XRN1: variants seen among roughly 807,000 people sequenced by gnomAD.
XRN1 encodes 5'-3' exoribonuclease 1.
In XRN1, 67 loss-of-function variants were observed where a neutral mutation model predicts 222.3. The ratio of observed to expected loss-of-function variants is 0.30; its 90% CI spans 0.25 to 0.37. The LOEUF is 0.37. Among genes scored for constraint, XRN1 ranks in the 10% least tolerant of loss-of-function variants. The probability of loss-of-function intolerance (pLI) is 1.00; values close to 1 mark genes in which losing one functional copy is unlikely to be tolerated. For synonymous variants in XRN1, 643 were observed against 652.4 expected (o/e 0.99, Z 0.22); for missense variants, 1,707 against 2,000.2 (o/e 0.85, Z 2.80).
intron 1 of XRN1, among the ~76,000 whole-genome samples, chr3:142,435,650 A>G (rs985814120): frequency 1.3e-4 from 19 of 150,814 alleles, no homozygotes; most frequent in African/African-American, 4.6e-4. Flanking sequence ...CCAGGTACTT[A>G]GAAGGCTGAA....
chr3:142,425,216 A>T lies in XRN1; in HGVS notation c.627+6T>A. 1 of 1,537,146 alleles carries T rather than the reference A, an allele frequency of 6.5e-7. No individual in the cohort carries two copies. The highest frequency in any genetic ancestry group is 8.8e-7 in the Non-Finnish European group (1 of 1,141,414). ...ATAAGTTTATAATAATAAAAATTAT[A>T]CCTACCAAGTCAGCATCTAAACCAT... On this transcript the variant is annotated splice_donor_region_variant and intron_variant, in intron 5 of 40. Coordinates refer to ENST00000392981, the MANE Select transcript of XRN1 (RefSeq NM_001282857.2).
chr3:142,334,767 TACACAC>T (rs761753366), intron 34 of XRN1, among the ~76,000 whole-genome samples: 340 of 90,398 alleles, frequency 3.8e-3, no homozygotes, highest in Admixed American at 5.7e-3. Context: ...TGTCTATGTA[TACACAC>T]ACACACACAC....
At chr3:142,374,985 CA>C (rs2107905610) in intron 25 of XRN1, among the ~76,000 whole-genome samples, 1 of 152,266 alleles carries the variant, frequency 6.6e-6, no homozygotes, top group East Asian at 1.9e-4. Context: ...GCGAGAACAT[CA>C]CATAAACACG....
intron 1 of XRN1, among the ~76,000 whole-genome samples, chr3:142,437,401 T>C (rs2069962235): frequency 6.6e-6 from 1 of 152,222 alleles, no homozygotes; most frequent in African/African-American, 2.4e-5. Context: ...CAGAACTGCT[T>C]GCTTCCAGTT....
intron 15 of XRN1, chr3:142,407,840 T>C (rs2068404946): frequency 6.6e-6 from 1 of 152,240 alleles, no homozygotes; most frequent in Non-Finnish European, 1.5e-5. Context: ...CAGTTCACTG[T>C]GATAGATCTG....
chr3:142,364,631 T>C (rs1459729196), intron 29 of XRN1, among the ~76,000 whole-genome samples: 1 of 152,196 alleles, frequency 6.6e-6, no homozygotes, highest in Non-Finnish European at 1.5e-5. Flanking sequence ...ATATATTTAA[T>C]CTCAGAAACT....
At position 142,307,459 on chromosome 3, in the gene XRN1, G is replaced by C. The variant is rs1245488648; in HGVS notation, c.*4052C>G. 1 of 152,156 alleles carries C rather than the reference G, an allele frequency of 6.6e-6. No homozygotes were observed. Among genetic ancestry groups the C allele is most frequent in the African/African-American group, 2.4e-5 (1 of 41,446 alleles). 9.4% of individuals were successfully genotyped at this position (152,156 alleles called of 1,614,324 possible). ...TCCTTCACAAATTGCACTTGAGATG[G>C]CTGAATGCATTGATTGAGCAAGGCA... On this transcript the variant is annotated 3_prime_UTR_variant, in exon 41 of 41. Coordinates refer to ENST00000392981, the MANE Select transcript of XRN1 (RefSeq NM_001282857.2).
chr3:142,333,222 A>G (rs1346329898), intron 34 of XRN1, 133 bp from the exon 35 acceptor site: 4 of 1,062,830 alleles, frequency 3.8e-6, no homozygotes, highest in African/African-American at 1.6e-5. Flanking sequence ...GTTTGGGAAG[A>G]GAATTGGAAT....
intron 10 of XRN1, among the ~76,000 whole-genome samples, chr3:142,419,841 A>G (rs2068937048): frequency 6.6e-6 from 1 of 152,090 alleles, no homozygotes; most frequent in South Asian, 2.1e-4. Context: ...GCAGAATCCA[A>G]TAATTACAGA....
intron 33 of XRN1, among the ~76,000 whole-genome samples, chr3:142,345,041 C>T (rs1023339269): frequency 6.6e-5 from 10 of 152,102 alleles, no homozygotes; most frequent in African/African-American, 2.2e-4. Flanking sequence ...CACATAAGGA[C>T]GGGCATATAC....
At chr3:142,378,392 AAC>A (rs1430178634) in intron 23 of XRN1, among the ~76,000 whole-genome samples, 1 of 152,228 alleles carries the variant, frequency 6.6e-6, no homozygotes, top group African/African-American at 2.4e-5. Flanking sequence ...TTTAACAGAA[AAC>A]ACAAAAAATA....
At chr3:142,432,242 A>ATTAATTATATATAT (rs2069658458) in intron 2 of XRN1, among the ~76,000 whole-genome samples, 1 of 108,200 alleles carries the variant, frequency 9.2e-6, no homozygotes, top group African/African-American at 4.8e-5. Flanking sequence ...TATATATATA[A>ATTAATTATATATAT]AATTTATTTT....
intron 22 of XRN1, among the ~76,000 whole-genome samples, chr3:142,382,766 T>C (rs140081897): frequency 1.3e-5 from 2 of 152,278 alleles, no homozygotes; most frequent in African/African-American, 2.4e-5. Context: ...AACATATGCA[T>C]ACGTGTATAT....
intron 37 of XRN1, among the ~76,000 whole-genome samples, chr3:142,324,046 T>C (rs1371353689): frequency 2.0e-5 from 3 of 152,106 alleles, no homozygotes; most frequent in African/African-American, 7.2e-5. Flanking sequence ...TTCCACTCTT[T>C]TGGTTATTTT....
rs1454915111 is a variant in XRN1 at position 142,329,463 on chromosome 3, G to A, written c.4375C>T (p.Pro1459Ser). 1.9e-6 allele frequency: 3 copies of A among 1,589,872 alleles called. No homozygotes were observed. The highest frequency in any genetic ancestry group is 1.7e-6 in the Non-Finnish European group (2 of 1,171,436). Residue 1459 changes from proline to serine, a missense_variant, in exon 37 of 41, where the codon CCT (proline) becomes TCT (serine). By Grantham distance (74) the Pro-to-Ser change is moderately conservative. This residue lies in a region of XRN1 where 473 missense variants were observed against 482.0 expected (regional missense o/e 0.98). Transcript: ENST00000392981. ...GGCATCCTAAGAAAGGAGAAATCAG[G>A]TTGTGGCATTCCAACAAGGGAACAA... is the stretch of plus-strand genomic sequence containing the variant. ...RICSLVGMPQ[P>S]DFSFLRMPQT... is the part of the protein sequence containing the mutation.
Position 142,332,459 on chromosome 3 carries a change from G to C in XRN1, c.4138C>G (p.Gln1380Glu). The C allele has an allele frequency of 6.2e-7, 1 of 1,613,194 alleles. No homozygotes were observed. Among genetic ancestry groups the C allele is most frequent in the African/African-American group, 1.3e-5 (1 of 74,980 alleles). ...NTVDHKNEIK[Q>E]IANEIPVSSN... ...GAAACAGGGATTTCATTAGCAATCT[G>C]TTTGATTTCATTCTTATGGTCCACA... The change falls in exon 36 of 41, where the codon CAG (glutamine) becomes GAG (glutamate). Residue 1380 changes from glutamine (Q) to glutamate (E), a missense_variant. Physicochemically the swap from Gln to Glu is conservative, Grantham distance 29. Coordinates refer to ENST00000392981, the MANE Select transcript of XRN1 (RefSeq NM_001282857.2).
intron 20 of XRN1, among the ~76,000 whole-genome samples, chr3:142,396,188 T>C (rs116399016): frequency 1.3e-5 from 2 of 152,226 alleles, no homozygotes; most frequent in African/African-American, 2.4e-5. Context: ...GATATTCACA[T>C]ATCAATGTTA....
intron 1 of XRN1, among the ~76,000 whole-genome samples, chr3:142,446,689 G>T (rs2070518090): frequency 6.6e-6 from 1 of 152,192 alleles, no homozygotes. Flanking sequence ...AAAGTTGGTT[G>T]TCTCCATTTC....
intron 27 of XRN1, among the ~76,000 whole-genome samples, chr3:142,370,026 AAC>A (rs1294278313): frequency 1.3e-5 from 2 of 151,332 alleles, no homozygotes; most frequent in Non-Finnish European, 2.9e-5. Flanking sequence ...CAGCCTGGGC[AAC>A]AGAGAGAAAC....
Sources: gnomAD v4.1 joint callset for allele counts (sites outside exome capture counted in the v4.1 genomes callset) on GRCh38, gnomAD v4.1.1 for gene constraint, gnomAD v4.1.1 regional missense constraint, MANE v1.5 for transcripts, NCBI Gene and HGNC (gene_info 2026-07-23, HGNC 2026-07-21) for gene names.